Variants in CYP4F22 observed in about 807,000 individuals in gnomAD.
CYP4F22 encodes the protein ultra-long-chain fatty acid omega-hydroxylase.
A neutral mutation model predicts 60.4 loss-of-function variants in CYP4F22; 37 were observed. The observed-to-expected ratio is 0.61, with a 90% confidence interval of 0.47 to 0.81. The LOEUF (loss-of-function observed/expected upper bound fraction) is 0.81, where lower values mean the gene tolerates loss of function less well. Ranked by LOEUF, CYP4F22 falls within the 30% of genes least tolerant of loss-of-function variation. The pLI is 0.00. For missense variants in CYP4F22, 655 were observed against 715.0 expected (o/e 0.92, Z 0.96); for synonymous variants, 258 against 280.5 (o/e 0.92, Z 0.80).
At position 15,540,439 on chromosome 19, in the gene CYP4F22, C is replaced by G; in HGVS notation, c.672-11C>G. 1.2e-6 allele frequency: 2 copies of G among 1,614,160 alleles called. No individual in the cohort carries two copies. Among genetic ancestry groups the G allele is most frequent in the Non-Finnish European group, 1.7e-6 (2 of 1,180,030 alleles). On this transcript the variant is annotated splice_polypyrimidine_tract_variant and intron_variant, in intron 7 of 13. Transcript: ENST00000269703. ...AGGGGCTACACTCATGGATCCCCTTCTCCTTGGCAGGAAGATGAGTGATTA... is the reference window on the plus strand; with the variant it reads ...AGGGGCTACACTCATGGATCCCCTTGTCCTTGGCAGGAAGATGAGTGATTA...
At position 15,521,572 on chromosome 19, in the gene CYP4F22, A is replaced by C. The variant is rs202006886; in HGVS notation, c.-108-2121A>C. On this transcript the variant is annotated intron_variant, in intron 1 of 13. Transcript: ENST00000269703. The stretch of plus-strand genomic sequence containing the variant: ...GTGATTATGACTTGTGCTGCTCTGA[A>C]CATGAGTGTGCAAATATCTCTTCGA... 5.3e-5 allele frequency among the ~76,000 whole-genome samples: 8 copies of C among 152,286 alleles called. No individual in the cohort carries two copies. In the East Asian group the frequency reaches 1.5e-3, roughly 29 times the overall value.
chr19:15,513,407 G>C (rs113553545), intron 1 of CYP4F22, among the ~76,000 whole-genome samples: 6,092 of 122,692 alleles, frequency 0.05, 496 homozygotes, highest in African/African-American at 0.18. Context: ...CTCTGTCACC[G>C]AGGCTGGAGT....
Position 15,551,320 on chromosome 19 carries a change from T to C in CYP4F22, c.1445T>C (p.Met482Thr). The change falls in exon 14 of 14, where the codon ATG (methionine) becomes ACG (threonine). Residue 482 changes from methionine to threonine, a missense_variant. Coordinates refer to ENST00000269703, the MANE Select transcript of CYP4F22 (RefSeq NM_173483.4). ...PRNCIGQSFA[M>T]AELRVVVALT... ...AATTGCATCGGACAGAGCTTCGCCA[T>C]GGCCGAGTTGCGCGTGGTTGTGGCA... is the stretch of plus-strand genomic sequence containing the variant. The C allele has an allele frequency of 6.2e-7, 1 of 1,613,418 alleles. No individual in the cohort carries two copies. Among genetic ancestry groups the C allele is most frequent in the Middle Eastern group, 1.7e-4 (1 of 6,058 alleles).
chr19:15,540,802 C>T, intron 8 of CYP4F22, 85 bp downstream of exon 8: 2 of 1,548,266 alleles, frequency 1.3e-6, no homozygotes, highest in Non-Finnish European at 1.8e-6. Flanking sequence ...TGTTAAAACT[C>T]CATTAGGCGT....
chr19:15,521,509 G>T (rs1356663334), intron 1 of CYP4F22, among the ~76,000 whole-genome samples: 1 of 152,162 alleles, frequency 6.6e-6, no homozygotes, highest in African/African-American at 2.4e-5. Context: ...TGGGAGTACA[G>T]GCATGAGCCA....
Position 15,540,467 on chromosome 19 carries a change from T to A in CYP4F22, c.689T>A (p.Ile230Asn). Residue 230 changes from isoleucine (I) to asparagine (N), a missense_variant, in exon 8 of 14, where the codon ATC becomes AAC. Physicochemically the swap from Ile to Asn is moderately radical, Grantham distance 149 (BLOSUM62 -3). Around this residue, in one of 3 missense-constraint regions of CYP4F22, gnomAD observed 430 missense variants for 457.1 expected, o/e 0.94. Transcript: ENST00000269703. ...CTTGGCAGGAAGATGAGTGATTATA[T>A]CTCCGCTATCATTGAACTGAGCGCT... is the stretch of plus-strand genomic sequence containing the variant. ...SNCQEKMSDY[I>N]SAIIELSALS... 6.2e-7 allele frequency: 1 copy of A among 1,614,152 alleles called. No homozygotes were observed. The highest frequency in any genetic ancestry group is 8.5e-7 in the Non-Finnish European group (1 of 1,180,028).
At chr19:15,516,661 G>A in intron 1 of CYP4F22, 2 of 451,364 alleles carry the variant, frequency 4.4e-6, no homozygotes. Flanking sequence ...TAACACTATG[G>A]CTGATCAGAG....
intron 1 of CYP4F22, chr19:15,515,475 A>G: frequency 1.3e-6 from 1 of 787,524 alleles, no homozygotes; most frequent in Admixed American, 1.8e-5. Context: ...TTGCAATCCC[A>G]GCACTTTGGG....
chr19:15,540,103 A>G (rs1971440346), intron 7 of CYP4F22, among the ~76,000 whole-genome samples: 5 of 152,188 alleles, frequency 3.3e-5, no homozygotes, highest in African/African-American at 7.2e-5. Context: ...GACTATGCCT[A>G]TGTTGAAAGT....
intron 10 of CYP4F22, among the ~76,000 whole-genome samples, chr19:15,547,380 C>T (rs1486694993): frequency 1.3e-5 from 2 of 152,010 alleles, no homozygotes; most frequent in East Asian, 1.9e-4. Flanking sequence ...TTGCTGTTGC[C>T]GTGAGTCCCC....
At chr19:15,548,354 G>T in intron 11 of CYP4F22, 113 bp downstream of exon 11, 1 of 1,497,074 alleles carries the variant, frequency 6.7e-7, no homozygotes, top group Non-Finnish European at 9.2e-7. Flanking sequence ...CTGCAGATGG[G>T]ATAGCTCTCT....
intron 10 of CYP4F22, 112 bp from the exon 11 acceptor site, chr19:15,547,984 AGAGAGAGAGAGG>A (rs763430037): frequency 0.015 from 14,621 of 978,746 alleles, 2,060 homozygotes; most frequent in Non-Finnish European, 0.017. Flanking sequence ...AGAGAGAGAG[AGAGAGAGAGAGG>A]GAGAGAGTGT....
Position 15,540,682 on chromosome 19 carries a change from AC to A in CYP4F22, c.906del (p.Leu303TrpfsTer67), listed in dbSNP as rs1568361462. 2 of 1,614,124 alleles carry A rather than the reference AC, an allele frequency of 1.2e-6. No homozygotes were observed. The highest frequency in any genetic ancestry group is 2.2e-5 in the South Asian group (2 of 91,086). On this transcript the variant is annotated frameshift_variant, in exon 8 of 14. Coordinates refer to ENST00000269703, the MANE Select transcript of CYP4F22 (RefSeq NM_173483.4). LOFTEE classifies it high-confidence loss of function. ...EAWLKAKQGK[T>X]LDFIDVLLLA... Reference sequence around the variant, plus strand: ...CTGGCTTAAGGCCAAGCAGGGGAAGACCTTGGACTTTATTGATGTGCTGCTC... The same window carrying A: ...CTGGCTTAAGGCCAAGCAGGGGAAGACTTGGACTTTATTGATGTGCTGCTC...
chr19:15,510,964 ATATT>A (rs912634478), intron 1 of CYP4F22, among the ~76,000 whole-genome samples: 5 of 113,670 alleles, frequency 4.4e-5, no homozygotes, highest in African/African-American at 8.2e-5. Flanking sequence ...ATATATATAT[ATATT>A]TTTTTTTTTT....
At chr19:15,513,002 C>T (rs1351367678) in intron 1 of CYP4F22, among the ~76,000 whole-genome samples, 1 of 150,864 alleles carries the variant, frequency 6.6e-6, no homozygotes, top group East Asian at 1.9e-4. Context: ...TTCTCTCTCT[C>T]TCTCTCTCTC....
rs535073680 is a variant in CYP4F22, at chr19:15,549,304, C to T, written c.1335+102C>T. On this transcript the variant is annotated intron_variant, in intron 12 of 13. Coordinates refer to ENST00000269703, the MANE Select transcript of CYP4F22 (RefSeq NM_173483.4). ...GGTTGCAGGGCCTGAGTGCGCACAC[C>T]CCTCCCCACTCCGCATTTAGCCATT... is the stretch of plus-strand genomic sequence containing the variant. 31 of 1,122,010 alleles carry T rather than the reference C, an allele frequency of 2.8e-5. No homozygotes were observed. In the African/African-American group the frequency reaches 3.7e-4, roughly 13 times the overall value. The allele number at this position is 1,122,010 out of a possible 1,614,324, so 69.5% of individuals were successfully genotyped here. A position where few individuals can be genotyped will look rare whatever the true frequency, so the allele number is the denominator to read the frequency against.
intron 10 of CYP4F22, among the ~76,000 whole-genome samples, chr19:15,547,018 G>GTTTGTTTTT (rs557172090): frequency 2.7e-4 from 22 of 82,312 alleles, no homozygotes; most frequent in Non-Finnish European, 3.7e-4. Flanking sequence ...GCCTGCACCA[G>GTTTGTTTTT]TTTTTTTTTT....
chr19:15,509,974 T>C (rs1310452953), intron 1 of CYP4F22, among the ~76,000 whole-genome samples: 1 of 148,538 alleles, frequency 6.7e-6, no homozygotes, highest in Admixed American at 6.9e-5. Flanking sequence ...CTTTCTTTCT[T>C]TCTTTCTTTT....
chr19:15,551,568 C>T lies in CYP4F22; in HGVS notation c.*97C>T, dbSNP rs560031224. On this transcript the variant is annotated 3_prime_UTR_variant, in exon 14 of 14. Transcript: ENST00000269703. ...TCCCGAGGGCATAGGCCACCCCCCT[C>T]GAAGTTCAGGTTCAGCTCCTGGATG... 3.5e-6 allele frequency: 5 copies of T among 1,420,390 alleles called. No homozygotes were observed. The East Asian group carries it at 7.5e-5, about 21-fold the overall frequency. 88.0% of individuals were successfully genotyped at this position (1,420,390 alleles called of 1,614,324 possible).
Sources: allele counts gnomAD v4.1 joint callset (sites outside exome capture counted in the v4.1 genomes callset), GRCh38; gene constraint gnomAD v4.1.1; regional missense constraint gnomAD v4.1.1; transcripts MANE v1.5; gene names NCBI Gene and HGNC (gene_info 2026-07-23, HGNC 2026-07-21).